The following ERBIN variants were observed in gnomAD, a reference collection of about 807,000 sequenced individuals.
ERBIN encodes the protein erbb2 interacting protein, also known as densin-180-like protein.
A neutral mutation model predicts 158.4 loss-of-function variants in ERBIN; 60 were observed. The ratio of observed to expected loss-of-function variants is 0.38; its 90% confidence interval spans 0.31 to 0.47. The LOEUF is 0.47. ERBIN is among the 20% of genes least tolerant of loss of function. The probability of loss-of-function intolerance (pLI) is 0.99; values close to 1 mark genes in which losing one functional copy is unlikely to be tolerated. For missense variants in ERBIN, 1,610 were observed against 1,648.0 expected (o/e 0.98, Z 0.40); for synonymous variants, 594 against 557.2 (o/e 1.07, Z -0.93).
intron 4 of ERBIN, among the ~76,000 whole-genome samples, chr5:65,997,030 T>C (rs1324574835): frequency 6.6e-6 from 1 of 152,182 alleles, no homozygotes; most frequent in Non-Finnish European, 1.5e-5. Context: ...TTGGAGTCTT[T>C]AGGGTTTTCT....
chr5:65,946,705 A>G (rs903865793), intron 1 of ERBIN, among the ~76,000 whole-genome samples: 2 of 151,874 alleles, frequency 1.3e-5, no homozygotes, highest in Non-Finnish European at 2.9e-5. Context: ...TGTTTTCCAT[A>G]GTGGTTGTAC....
chr5:66,063,520 C>G (rs1278490802), intron 21 of ERBIN, among the ~76,000 whole-genome samples: 1 of 152,134 alleles, frequency 6.6e-6, no homozygotes, highest in Non-Finnish European at 1.5e-5. Context: ...TGCTTCGGCT[C>G]AGGCATGGTG....
At position 66,077,795 on chromosome 5, in the gene ERBIN, T is replaced by C. The variant is rs2367921; in HGVS notation, c.4132-628T>C. ...ACACACACACACACACACACACACA[T>C]ACACACACACACACAGTCACACTCA... On this transcript the variant is annotated intron_variant, in intron 25 of 25. Coordinates refer to ENST00000284037, the MANE Select transcript of ERBIN (RefSeq NM_001253697.2). Among the ~76,000 whole-genome samples, 921 of 96,976 alleles carry C rather than the reference T, an allele frequency of 9.5e-3. 2 individuals carry two copies. The highest frequency in any genetic ancestry group is 0.012 in the Non-Finnish European group (557 of 45,126). 63.6% of individuals were successfully genotyped at this position (96,976 alleles called of 152,430 possible).
At chr5:66,076,177 T>C (rs746394905) in intron 23 of ERBIN, 139 bp from the exon 24 acceptor site, 57 of 649,186 alleles carry the variant, frequency 8.8e-5, no homozygotes, top group Admixed American at 1.5e-4. Flanking sequence ...TTTCACTTCA[T>C]CTGACCAAAT....
chr5:66,019,594 C>T (rs1561383087), intron 7 of ERBIN, among the ~76,000 whole-genome samples: 2 of 152,146 alleles, frequency 1.3e-5, no homozygotes, highest in Admixed American at 6.5e-5. Flanking sequence ...CCACAGTTGT[C>T]AGTATTAACT....
chr5:65,965,357 G>T (rs1748443964), intron 1 of ERBIN, among the ~76,000 whole-genome samples: 1 of 133,974 alleles, frequency 7.5e-6, no homozygotes, highest in African/African-American at 2.8e-5. Context: ...ATGACAGGCT[G>T]TTCTTACCAG....
At chr5:66,011,739 A>G (rs1202861199) in intron 4 of ERBIN, among the ~76,000 whole-genome samples, 1 of 152,166 alleles carries the variant, frequency 6.6e-6, no homozygotes, top group African/African-American at 2.4e-5. Context: ...AGTGAGAGAA[A>G]CAGAAAGAAT....
chr5:66,042,443 C>T (rs1054008140), intron 15 of ERBIN, among the ~76,000 whole-genome samples: 2 of 151,648 alleles, frequency 1.3e-5, no homozygotes, highest in Non-Finnish European at 3.0e-5. Context: ...TTTTTTTTGA[C>T]TTCGGAATAT....
intron 4 of ERBIN, among the ~76,000 whole-genome samples, chr5:66,006,240 A>G (rs1460165658): frequency 6.6e-6 from 1 of 152,210 alleles, no homozygotes; most frequent in Admixed American, 6.5e-5. Flanking sequence ...ATAATGCCAC[A>G]TACCTACAAC....
chr5:66,081,909 A>AG lies in ERBIN; in HGVS notation c.*3379_*3380insG, dbSNP rs1561471649. The AG allele has an allele frequency of 6.6e-6, 1 of 152,056 alleles. No individual in the cohort carries two copies. Among genetic ancestry groups the AG allele is most frequent in the Non-Finnish European group, 1.5e-5 (1 of 67,972 alleles). The allele number at this position is 152,056 out of a possible 1,614,324, so 9.4% of individuals were successfully genotyped here. A position where few individuals can be genotyped will look rare whatever the true frequency, so the allele number is the denominator to read the frequency against. Reference sequence around the variant, plus strand: ...AACAAGATGCCTCTTTAAAAAAAAAAAAGAAAAAGTAATCTAGACAGGCAG... The same window carrying AG: ...AACAAGATGCCTCTTTAAAAAAAAAAGAAGAAAAAGTAATCTAGACAGGCAG... On this transcript the variant is annotated 3_prime_UTR_variant, in exon 26 of 26. Transcript: ENST00000284037.
In ERBIN at chr5:66,045,426, A is replaced by AGTATAT. The variant is rs746732423; in HGVS notation, c.1603-910_1603-905dup. 5.4e-3 allele frequency among the ~76,000 whole-genome samples: 798 copies of AGTATAT among 146,450 alleles called. 4 individuals are homozygous for AGTATAT. The highest frequency in any genetic ancestry group is 8.4e-3 in the Non-Finnish European group (573 of 67,900). On this transcript the variant is annotated intron_variant, in intron 17 of 25. Transcript: ENST00000284037. ...ATTACATATAGCCTATATGTAATATAGTATATGTATATGTATATGTATGTA... is the reference window on the plus strand; with the variant it reads ...ATTACATATAGCCTATATGTAATATAGTATATGTATATGTATATGTATATGTATGTA...
At chr5:65,934,663 T>C (rs920937881) in intron 1 of ERBIN, among the ~76,000 whole-genome samples, 20 of 152,212 alleles carry the variant, frequency 1.3e-4, no homozygotes, top group Admixed American at 3.3e-4. Flanking sequence ...CTTTATGTGA[T>C]TAAAGTTGTG....
At chr5:66,040,312 T>C (rs552329017) in intron 15 of ERBIN, among the ~76,000 whole-genome samples, 223 of 152,100 alleles carry the variant, frequency 1.5e-3, no homozygotes, top group Middle Eastern at 3.4e-3. Flanking sequence ...TCTACTTTAA[T>C]AATTCAAATC....
At chr5:65,992,998 T>C in intron 3 of ERBIN, 91 bp downstream of exon 3, 2 of 1,044,262 alleles carry the variant, frequency 1.9e-6, no homozygotes, top group Non-Finnish European at 1.3e-6. Flanking sequence ...GTTGCCAATA[T>C]ATTTGTGTGG....
intron 1 of ERBIN, among the ~76,000 whole-genome samples, chr5:65,960,105 C>G (rs761536104): frequency 1.3e-5 from 2 of 152,178 alleles, no homozygotes; most frequent in Non-Finnish European, 2.9e-5. Flanking sequence ...GCAGAAAGAA[C>G]AGATAAACAA....
chr5:66,053,545 C>A lies in ERBIN; in HGVS notation c.2227C>A (p.Leu743Ile), dbSNP rs1373480724. The A allele has an allele frequency of 3.1e-6, 5 of 1,611,350 alleles. No homozygotes were observed. The East Asian group carries it at 8.9e-5, about 29-fold the overall frequency. The change falls in exon 21 of 26, where the codon CTA (leucine) becomes ATA (isoleucine). Residue 743 changes from leucine to isoleucine, a missense_variant. Physicochemically the swap from Leu to Ile is conservative, Grantham distance 5. Around this residue, in one of 2 missense-constraint regions of ERBIN, gnomAD observed 1,014 missense variants for 936.1 expected, o/e 1.08. Coordinates refer to ENST00000284037, the MANE Select transcript of ERBIN (RefSeq NM_001253697.2). ...TTTGAATGTTGAAGAGCGATTAGTT[C>A]TAATTGAGAAAAGTGTTGACTCAAC... The part of the protein sequence containing the change: ...YDLNVEERLV[L>I]IEKSVDSTAT...
intron 4 of ERBIN, among the ~76,000 whole-genome samples, chr5:66,005,107 G>C (rs530542677): frequency 6.6e-6 from 1 of 152,300 alleles, no homozygotes; most frequent in South Asian, 2.1e-4. Flanking sequence ...GACAGGAACT[G>C]TGGGCATGTG....
chr5:66,046,431 A>G lies in ERBIN; in HGVS notation c.1681A>G (p.Ile561Val). 1.2e-6 allele frequency: 2 copies of G among 1,612,470 alleles called. No homozygotes were observed. Among genetic ancestry groups the G allele is most frequent in the Non-Finnish European group, 1.7e-6 (2 of 1,178,870 alleles). Residue 561 changes from isoleucine to valine, a missense_variant, in exon 18 of 26, where the codon ATC becomes GTC. Ile to Val is a conservative substitution (Grantham distance 29). Transcript: ENST00000284037. The part of the protein sequence containing the change: ...KYMIGNSVQK[I>V]SEPEAEISPG... ...TATGATAGGAAACTCTGTACAGAAGATCAGTGAACCTGAAGCTGAGATTAG... is the reference window on the plus strand; with the variant it reads ...TATGATAGGAAACTCTGTACAGAAGGTCAGTGAACCTGAAGCTGAGATTAG...
At position 66,030,562 on chromosome 5, in the gene ERBIN, C is replaced by CTTT. The variant is rs766454675; in HGVS notation, c.1206+2235_1206+2237dup. Among the ~76,000 whole-genome samples, 536 of 128,322 alleles carry CTTT rather than the reference C, an allele frequency of 4.2e-3. 9 individuals are homozygous for CTTT. The highest frequency in any genetic ancestry group is 0.015 in the African/African-American group (520 of 33,762). The allele number at this position is 128,322 out of a possible 152,430, so 84.2% of individuals were successfully genotyped here. A position where few individuals can be genotyped will look rare whatever the true frequency, so the allele number is the denominator to read the frequency against. The stretch of plus-strand genomic sequence containing the variant: ...ACTAATTCTATTAGTACAGTAGCAC[C>CTTT]TTTTTTTTTTTTTTTTTTGCGGCGG... On this transcript the variant is annotated intron_variant, in intron 14 of 25. Coordinates refer to ENST00000284037, the MANE Select transcript of ERBIN (RefSeq NM_001253697.2).
Sources: gnomAD v4.1 joint callset for allele counts (sites outside exome capture counted in the v4.1 genomes callset) on GRCh38, gnomAD v4.1.1 for gene constraint, gnomAD v4.1.1 regional missense constraint, MANE v1.5 for transcripts, NCBI Gene and HGNC (gene_info 2026-07-23, HGNC 2026-07-21) for gene names.